ING5: variants seen among roughly 807,000 people sequenced by gnomAD.
The protein encoded by ING5 is inhibitor of growth family member 5.
Under a neutral mutation model 37.4 loss-of-function variants are expected in ING5, and 17 were observed. The ratio of observed to expected loss-of-function variants is 0.45; its 90% CI spans 0.31 to 0.68. ING5 has a LOEUF of 0.68. ING5 is among the 30% of genes least tolerant of loss of function. The pLI is 0.05. For missense variants in ING5, 233 were observed against 311.9 expected (o/e 0.75, Z 1.91); for synonymous variants, 123 against 116.6 (o/e 1.06, Z -0.36).
At chr2:241,721,185 C>T in intron 5 of ING5, 1 of 985,554 alleles carries the variant, frequency 1.0e-6, no homozygotes, top group Non-Finnish European at 1.2e-6. Flanking sequence ...CCGCAGGAGC[C>T]CCTTGGAGGT....
rs913787805 is a variant in ING5 at position 241,711,996 on chromosome 2, A to G, written c.407A>G (p.Glu136Gly). The G allele has an allele frequency of 6.2e-6, 10 of 1,609,030 alleles. No individual in the cohort carries two copies. Among genetic ancestry groups the G allele is most frequent in the Non-Finnish European group, 8.5e-6 (10 of 1,178,252 alleles). ...RGLKKGRGQK[E>G]KRGSRGRGRR... ...TTTTCAGAAGGCCGGGGTCAGAAAG[A>G]AAAAAGAGGGTCCCGGGGCCGAGGC... The change falls in exon 5 of 8, where the codon GAA (glutamate) becomes GGA (glycine). Residue 136 changes from glutamate to glycine, a missense_variant. This residue lies in a region of ING5 where 76 missense variants were observed against 68.2 expected (regional missense o/e 1.11). Coordinates refer to ENST00000313552, the MANE Select transcript of ING5 (RefSeq NM_032329.6).
chr2:241,709,365 A>T lies in ING5; in HGVS notation c.259A>T (p.Met87Leu). Residue 87 changes from methionine (M) to leucine (L), a missense_variant, in exon 3 of 8, where the codon ATG becomes TTG. Physicochemically the swap from Met to Leu is conservative, Grantham distance 15. Coordinates refer to ENST00000313552, the MANE Select transcript of ING5 (RefSeq NM_032329.6). ...EYSDDKVQLA[M>L]QTYEMVDKHI... ...CAGTGACGACAAAGTGCAGCTGGCC[A>T]TGCAGACCTACGAGATGGTGAGGGC... The T allele has an allele frequency of 6.2e-6, 10 of 1,613,476 alleles. No homozygotes were observed. The highest frequency in any genetic ancestry group is 8.5e-6 in the Non-Finnish European group (10 of 1,179,856).
At chr2:241,701,418 C>A (rs1376372198), upstream of ING5, among the ~76,000 whole-genome samples, 1 of 152,238 alleles carries the variant, frequency 6.6e-6, no homozygotes, top group Non-Finnish European at 1.5e-5. Flanking sequence ...AGTGCCCTCA[C>A]TGGTGCTGGG....
At chr2:241,720,252 G>A (rs941773222) in intron 5 of ING5, 24 of 1,230,586 alleles carry the variant, frequency 2.0e-5, no homozygotes, top group African/African-American at 1.9e-4. Flanking sequence ...TGTGGTGCGC[G>A]TCCCTGACCC....
chr2:241,700,456 CTATTT>C (rs2069699138), upstream of ING5, among the ~76,000 whole-genome samples: 1 of 150,196 alleles, frequency 6.7e-6, no homozygotes, highest in Non-Finnish European at 1.5e-5. Flanking sequence ...CGCGCCTGCC[CTATTT>C]TATTTTATTT....
At chr2:241,693,652 CTT>C (rs1185556171) in intron 2 of ING5, among the ~76,000 whole-genome samples, 1,807 of 78,406 alleles carry the variant, frequency 0.023, 55 homozygotes, top group East Asian at 0.2. Context: ...AAATACAACT[CTT>C]TTTTTTTTTT....
At position 241,709,661 on chromosome 2, in the gene ING5, C is replaced by T. The variant is rs557611699; in HGVS notation, c.276+279C>T. 1.0e-4 allele frequency among the ~76,000 whole-genome samples: 15 copies of T among 149,048 alleles called. 1 individual carries two copies. The South Asian group carries it at 3.2e-3, about 32-fold the overall frequency. On this transcript the variant is annotated intron_variant, in intron 3 of 7. Coordinates refer to ENST00000313552, the MANE Select transcript of ING5 (RefSeq NM_032329.6). Reference sequence around the variant, plus strand: ...TCACTTTGTCGTCCACGGTGGAGTACAGTGGTGTGATTTCAGCTCAGTGCA... The same window carrying T: ...TCACTTTGTCGTCCACGGTGGAGTATAGTGGTGTGATTTCAGCTCAGTGCA...
chr2:241,701,687 A>C (rs2069729600), upstream of ING5, among the ~76,000 whole-genome samples: 1 of 152,144 alleles, frequency 6.6e-6, no homozygotes, highest in South Asian at 2.1e-4. Context: ...GGGCGCCGTC[A>C]GGACGGGCGT....
At chr2:241,722,393 A>G (rs967338178) in intron 5 of ING5, 1 of 985,208 alleles carries the variant, frequency 1.0e-6, no homozygotes, top group East Asian at 1.1e-4. Context: ...CCAGAGTGGG[A>G]CCAGAACCCC....
upstream of ING5, among the ~76,000 whole-genome samples, chr2:241,701,431 G>C (rs1402500729): frequency 4.6e-5 from 7 of 152,240 alleles, no homozygotes; most frequent in Admixed American, 4.6e-4. Flanking sequence ...GTGCTGGGCG[G>C]GGCGGCCGCT....
chr2:241,695,851 A>C (rs1315454558), intron 2 of ING5, among the ~76,000 whole-genome samples: 1 of 152,206 alleles, frequency 6.6e-6, no homozygotes, highest in East Asian at 1.9e-4. Context: ...AAAGTCTGAT[A>C]CACCACTACA....
Position 241,711,983 on chromosome 2 carries a change from C to T in ING5, c.394C>T (p.Arg132Trp), listed in dbSNP as rs202075037. Reference sequence around the variant, plus strand: ...GCATCTTGATTATTTTTCAGAAGGCCGGGGTCAGAAAGAAAAAAGAGGGTC... The same window carrying T: ...GCATCTTGATTATTTTTCAGAAGGCTGGGGTCAGAAAGAAAAAAGAGGGTC... ...SSGGRGLKKG[R>W]GQKEKRGSRG... Residue 132 changes from arginine to tryptophan, a missense_variant, in exon 5 of 8, where the codon CGG becomes TGG. This residue lies in a region of ING5 where 76 missense variants were observed against 68.2 expected (regional missense o/e 1.11). Coordinates refer to ENST00000313552, the MANE Select transcript of ING5 (RefSeq NM_032329.6). 34 of 1,602,078 alleles carry T rather than the reference C, an allele frequency of 2.1e-5. No individual in the cohort carries two copies. The highest frequency in any genetic ancestry group is 5.2e-5 in the Admixed American group (3 of 57,274).
At chr2:241,688,246 C>T (rs1164084481) in intron 1 of ING5, among the ~76,000 whole-genome samples, 2 of 152,164 alleles carry the variant, frequency 1.3e-5, no homozygotes, top group Non-Finnish European at 2.9e-5. Context: ...CCTTTCGAGG[C>T]GATTATTCTT....
intron 5 of ING5, chr2:241,721,336 C>T (rs1406821677): frequency 7.1e-6 from 7 of 985,344 alleles, no homozygotes; most frequent in African/African-American, 7.0e-5. Context: ...GGACTTGTGA[C>T]GCTGATGGAT....
intron 1 of ING5, among the ~76,000 whole-genome samples, chr2:241,704,219 C>T (rs2069831253): frequency 6.6e-6 from 1 of 152,180 alleles, no homozygotes; most frequent in Non-Finnish European, 1.5e-5. Flanking sequence ...CACAGTCCTT[C>T]CGCTCCGCAA....
intron 2 of ING5, among the ~76,000 whole-genome samples, chr2:241,706,829 C>A (rs977953201): frequency 6.6e-6 from 1 of 151,624 alleles, no homozygotes; most frequent in Admixed American, 6.6e-5. Context: ...AATCTGGTGC[C>A]GTTTGGATTC....
At chr2:241,708,057 C>G (rs146839842) in intron 2 of ING5, among the ~76,000 whole-genome samples, 1 of 152,028 alleles carries the variant, frequency 6.6e-6, no homozygotes, top group African/African-American at 2.4e-5. Context: ...AACACCATGC[C>G]CAGCTAATTG....
chr2:241,725,319 G>T lies in ING5; in HGVS notation c.*288G>T, dbSNP rs1691569655. 2 of 438,402 alleles carry T rather than the reference G, an allele frequency of 4.6e-6. No homozygotes were observed. Among genetic ancestry groups the T allele is most frequent in the African/African-American group, 4.1e-5 (2 of 48,944 alleles). The allele number at this position is 438,402 out of a possible 1,614,324, so 27.2% of individuals were successfully genotyped here. ...GGGCGGGCGCGCGTGAGCTCGGGCT[G>T]CCCGGCCGGGCGTGCGGGCGGGGAC... On this transcript the variant is annotated 3_prime_UTR_variant, in exon 8 of 8. Coordinates refer to ENST00000313552, the MANE Select transcript of ING5 (RefSeq NM_032329.6).
chr2:241,725,435 T>G lies in ING5; in HGVS notation c.*404T>G. The stretch of plus-strand genomic sequence containing the variant: ...TGTCCGGTACAGCCCGGGCTCCGCG[T>G]GCCCCGCCCGCTGGAGCACCTGCCA... On this transcript the variant is annotated 3_prime_UTR_variant, in exon 8 of 8. Coordinates refer to ENST00000313552, the MANE Select transcript of ING5 (RefSeq NM_032329.6). 1 of 157,686 alleles carries G rather than the reference T, an allele frequency of 6.3e-6. No homozygotes were observed. The highest frequency in any genetic ancestry group is 1.4e-5 in the Non-Finnish European group (1 of 72,476). The allele number at this position is 157,686 out of a possible 1,614,324, so 9.8% of individuals were successfully genotyped here.
Sources: allele counts gnomAD v4.1 joint callset (sites outside exome capture counted in the v4.1 genomes callset), GRCh38; gene constraint gnomAD v4.1.1; regional missense constraint gnomAD v4.1.1; transcripts MANE v1.5; gene names NCBI Gene and HGNC (gene_info 2026-07-23, HGNC 2026-07-21).